Variants in ZNG1A observed in about 807,000 individuals in gnomAD.
ZNG1A encodes the protein zinc-regulated GTPase metalloprotein activator 1A.
At chr9:168,316 A>C in the ZNG1A span, among the ~76,000 whole-genome samples, 1 of 151,780 alleles carries the variant, frequency 6.6e-6, no homozygotes, top group Admixed American at 6.6e-5. Context: ...TGCAATGTGC[A>C]ATCTCAGCTC....
chr9:147,175 C>CAGAAG, the ZNG1A span: 5 of 22,616 alleles, frequency 2.2e-4, no homozygotes, highest in African/African-American at 6.1e-4. Context: ...GACTCCGCCT[C>CAGAAG]AAAAGAAAAA....
the ZNG1A span, among the ~76,000 whole-genome samples, chr9:176,516 A>G: frequency 6.6e-6 from 1 of 152,032 alleles, no homozygotes. Context: ...TTTCTAGTAT[A>G]TAACTAGATC....
the ZNG1A span, among the ~76,000 whole-genome samples, chr9:145,434 A>G: frequency 6.0e-5 from 9 of 151,204 alleles, no homozygotes; most frequent in African/African-American, 1.7e-4. Flanking sequence ...CATTCTCAGT[A>G]AACTATCGCA....
At chr9:127,143 C>CTA in the ZNG1A span, among the ~76,000 whole-genome samples, 1 of 151,984 alleles carries the variant, frequency 6.6e-6, no homozygotes, top group Non-Finnish European at 1.5e-5. Flanking sequence ...TTGAACAGAA[C>CTA]GTATATTCTG....
chr9:169,104 T>A, the ZNG1A span, among the ~76,000 whole-genome samples: 3 of 152,120 alleles, frequency 2.0e-5, no homozygotes, highest in Admixed American at 2.0e-4. Flanking sequence ...GCAAAGTAAA[T>A]TGAAAACCTT....
At chr9:176,774 G>T in the ZNG1A span, among the ~76,000 whole-genome samples, 1 of 151,640 alleles carries the variant, frequency 6.6e-6, no homozygotes, top group African/African-American at 2.4e-5. Flanking sequence ...TGTGAAAACT[G>T]AAAGGAAAGG....
chr9:176,597 C>G, the ZNG1A span, among the ~76,000 whole-genome samples: 1 of 151,852 alleles, frequency 6.6e-6, no homozygotes. Context: ...CCTTTCAAAG[C>G]TTTTTAACAG....
the ZNG1A span, among the ~76,000 whole-genome samples, chr9:127,664 AG>A: frequency 6.6e-6 from 1 of 151,830 alleles, no homozygotes; most frequent in Admixed American, 6.6e-5. Flanking sequence ...TGGAGCATTT[AG>A]GCCATTTATA....
At chr9:160,075 G>A in the ZNG1A span, 143 of 454,652 alleles carry the variant, frequency 3.1e-4, 2 homozygotes, top group African/African-American at 2.4e-3. Context: ...AAAGAACAAT[G>A]TCAGTAGCCT....
the ZNG1A span, chr9:149,055 A>G: frequency 6.7e-6 from 1 of 149,686 alleles, no homozygotes; most frequent in South Asian, 2.1e-4. Context: ...TAAATTTCCA[A>G]AAGCCTTCCC....
At chr9:150,179 T>G in the ZNG1A span, 1 of 103,030 alleles carries the variant, frequency 9.7e-6, no homozygotes, top group Non-Finnish European at 1.8e-5. Context: ...CAGGCTGGAG[T>G]GCAGTGGTGC....
At chr9:147,773 C>CG in the ZNG1A span, 1 of 145,198 alleles carries the variant, frequency 6.9e-6, no homozygotes, top group Non-Finnish European at 1.5e-5. Flanking sequence ...AGGGGCACGG[C>CG]GGCTCCACTT....
chr9:142,249 G>T, the ZNG1A span, among the ~76,000 whole-genome samples: 2 of 135,732 alleles, frequency 1.5e-5, no homozygotes, highest in African/African-American at 3.0e-5. Flanking sequence ...ATTCTTTTCA[G>T]CACCACACCA....
chr9:176,847 A>G, the ZNG1A span, among the ~76,000 whole-genome samples: 1 of 152,008 alleles, frequency 6.6e-6, no homozygotes, highest in Admixed American at 6.6e-5. Context: ...TTATGAAAAA[A>G]AAAAACACTT....
the ZNG1A span, among the ~76,000 whole-genome samples, chr9:152,556 T>A: frequency 6.6e-6 from 1 of 151,732 alleles, no homozygotes; most frequent in Non-Finnish European, 1.5e-5. Context: ...GTATTCACAG[T>A]AATTCTAAGT....
the ZNG1A span, among the ~76,000 whole-genome samples, chr9:129,682 G>A: frequency 1.3e-5 from 2 of 150,022 alleles, no homozygotes; most frequent in Admixed American, 6.6e-5. Flanking sequence ...AATTGGGGGG[G>A]GCTGTTCAAT....
chr9:150,379 G>A, the ZNG1A span: 1 of 962,998 alleles, frequency 1.0e-6, no homozygotes, highest in Non-Finnish European at 1.2e-6. Context: ...ACCCACCTTG[G>A]CCTCCCAAAG....
the ZNG1A span, among the ~76,000 whole-genome samples, chr9:161,383 G>A: frequency 2.6e-5 from 4 of 150,992 alleles, no homozygotes; most frequent in East Asian, 7.9e-4. Flanking sequence ...CAAGGGAATC[G>A]CTTGAACCTG....
the ZNG1A span, chr9:166,483 C>T: frequency 1.3e-5 from 2 of 152,496 alleles, no homozygotes; most frequent in South Asian, 4.1e-4. Context: ...CACGCACATA[C>T]AGGGAATAAA....
Sources: allele counts gnomAD v4.1 joint callset (sites outside exome capture counted in the v4.1 genomes callset), GRCh38; gene constraint gnomAD v4.1.1; transcripts MANE v1.5; gene names NCBI Gene and HGNC (gene_info 2026-07-23, HGNC 2026-07-21).